Variants in ITFG2 observed in about 807,000 individuals in gnomAD.
ITFG2 encodes KICSTOR complex protein ITFG2.
In ITFG2, 36 loss-of-function variants were observed where a neutral mutation model predicts 54.4. That is an observed-to-expected ratio of 0.66 (90% CI 0.51 to 0.87). ITFG2 has a LOEUF of 0.87. Among genes scored for constraint, ITFG2 ranks in the 40% least tolerant of loss-of-function variants. ITFG2 has a pLI of 0.00. For synonymous variants in ITFG2, 211 were observed against 225.4 expected, an observed-to-expected ratio of 0.94 and a Z score of 0.57; for missense variants, 524 against 576.7, an observed-to-expected ratio of 0.91 and a Z score of 0.94.
chr12:2,837,410 G>T (rs2098031073), intron 1 of ITFG2, among the ~76,000 whole-genome samples: 2 of 152,020 alleles, frequency 1.3e-5, no homozygotes, highest in Admixed American at 6.5e-5. Flanking sequence ...CCCGGGAGGT[G>T]GAGCTTGCAG....
At position 2,830,451 on chromosome 12, in the gene ITFG2, C is replaced by T. The variant is rs2097995641; in HGVS notation, c.*60-383C>T. On this transcript the variant is annotated intron_variant and NMD_transcript_variant, in intron 2 of 2. Coordinates refer to the ITFG2 transcript ENST00000538822. Reference sequence around the variant, plus strand: ...TCTGTGTAGAGCACACTGAGGAGTACTTACTTAATTTAAGTATTGTATTTT... The same window carrying T: ...TCTGTGTAGAGCACACTGAGGAGTATTTACTTAATTTAAGTATTGTATTTT... The T allele has an allele frequency of 1.7e-5, 7 of 414,410 alleles. 1 individual carries two copies. Among genetic ancestry groups the T allele is most frequent in the Non-Finnish European group, 2.6e-5 (6 of 232,832 alleles). 25.7% of individuals were successfully genotyped at this position (414,410 alleles called of 1,614,324 possible).
chr12:2,818,349 T>C (rs751601008), intron 4 of ITFG2, 72 bp downstream of exon 4: 6 of 1,592,276 alleles, frequency 3.8e-6, no homozygotes, highest in Non-Finnish European at 4.3e-6. Flanking sequence ...TCCCAAGGGA[T>C]TGGGGTGAGA....
At chr12:2,838,437 C>G (rs1565439491) in intron 1 of ITFG2, among the ~76,000 whole-genome samples, 1 of 152,128 alleles carries the variant, frequency 6.6e-6, no homozygotes, top group Non-Finnish European at 1.5e-5. Flanking sequence ...GTCCCAGGCT[C>G]TCAAGTGAGC....
downstream of ITFG2, chr12:2,826,269 C>A (rs1306946355): frequency 6.6e-6 from 1 of 151,606 alleles, no homozygotes; most frequent in African/African-American, 2.4e-5. Flanking sequence ...TAGAAAGCCA[C>A]TGATTCCAGG....
chr12:2,837,350 C>T (rs549171115), intron 1 of ITFG2, among the ~76,000 whole-genome samples: 7 of 152,150 alleles, frequency 4.6e-5, no homozygotes, highest in African/African-American at 1.2e-4. Context: ...CGGTGGCAGG[C>T]GCCTGTAGTC....
chr12:2,841,747 C>G (rs576942459), intron 2 of ITFG2, among the ~76,000 whole-genome samples: 17 of 151,672 alleles, frequency 1.1e-4, no homozygotes, highest in African/African-American at 3.1e-4. Flanking sequence ...GAGACAGAGT[C>G]TCACCCTGTC....
chr12:2,853,550 G>T lies in ITFG2; in HGVS notation n.301-4462G>T, dbSNP rs140541808. ...GGCCTCCCAAAGTGCTGGGATTACA[G>T]GCGTGAGCCACCAGGCCCGGCCTGT... On this transcript the variant is annotated intron_variant and non_coding_transcript_variant, in intron 2 of 3. Coordinates refer to the ITFG2 transcript ENST00000537710. Among the ~76,000 whole-genome samples, 1,131 of 152,222 alleles carry T rather than the reference G, an allele frequency of 7.4e-3. 15 individuals are homozygous for T. The highest frequency in any genetic ancestry group is 0.026 in the African/African-American group (1,087 of 41,546).
exon 4 of ITFG2, chr12:2,859,748 G>T: frequency 1.9e-6 from 2 of 1,028,332 alleles, no homozygotes; most frequent in Non-Finnish European, 1.4e-6. Flanking sequence ...GATCCTCTTT[G>T]TGTCGTTTTG....
intron 2 of ITFG2, chr12:2,857,221 TTTC>T (rs1480813943): frequency 5.0e-6 from 3 of 596,716 alleles, no homozygotes; most frequent in Non-Finnish European, 9.0e-6. Flanking sequence ...GGGATAGCAC[TTTC>T]TTCAAGTTCT....
At chr12:2,859,356 C>T (rs780641311) in intron 3 of ITFG2, 13 of 1,613,728 alleles carry the variant, frequency 8.1e-6, no homozygotes, top group African/African-American at 4.0e-5. Context: ...CGAGACACAC[C>T]GGGTTGGGGA....
chr12:2,839,534 C>T (rs922427234), intron 1 of ITFG2, among the ~76,000 whole-genome samples: 1 of 152,160 alleles, frequency 6.6e-6, no homozygotes, highest in Non-Finnish European at 1.5e-5. Context: ...ATGGCTCCTT[C>T]GCTGCATTGG....
intron 5 of ITFG2, 96 bp from the exon 6 acceptor site, chr12:2,820,628 G>GCCCCTGCCCCCCC: frequency 4.0e-6 from 1 of 251,778 alleles, no homozygotes. Context: ...CCCTGCCCCT[G>GCCCCTGCCCCCCC]CCCCCGCCCC....
intron 2 of ITFG2, among the ~76,000 whole-genome samples, chr12:2,854,600 A>G (rs1423851322): frequency 2.0e-5 from 3 of 152,054 alleles, no homozygotes; most frequent in South Asian, 2.1e-4. Flanking sequence ...TTTGATAGCT[A>G]TCTTTGCAAA....
Position 2,824,937 on chromosome 12 carries a change from A to C in ITFG2, c.*744A>C, listed in dbSNP as rs973339347. The C allele has an allele frequency of 2.0e-5, 3 of 152,144 alleles. No homozygotes were observed. Among genetic ancestry groups the C allele is most frequent in the African/African-American group, 7.3e-5 (3 of 41,288 alleles). The allele number at this position is 152,144 out of a possible 1,614,324, so 9.4% of individuals were successfully genotyped here. Reference sequence around the variant, plus strand: ...CACAATCAGAATTATATCTTGGGTCATTTATGTGCCGTCTGTTCTTGATTC... The same window carrying C: ...CACAATCAGAATTATATCTTGGGTCCTTTATGTGCCGTCTGTTCTTGATTC... On this transcript the variant is annotated 3_prime_UTR_variant, in exon 12 of 12. Coordinates refer to ENST00000228799, the MANE Select transcript of ITFG2 (RefSeq NM_018463.4).
chr12:2,855,034 T>A (rs1397249458), intron 2 of ITFG2: 3 of 1,535,986 alleles, frequency 2.0e-6, no homozygotes, highest in Non-Finnish European at 2.6e-6. Context: ...CCTTTTCATG[T>A]CCACAAACGT....
chr12:2,858,600 ATGG>A, intron 3 of ITFG2: 1 of 1,580,868 alleles, frequency 6.3e-7, no homozygotes, highest in East Asian at 2.2e-5. Flanking sequence ...AGTGCCCGGG[ATGG>A]TGGACAGCTT....
At chr12:2,838,123 G>T (rs1035521768) in intron 1 of ITFG2, among the ~76,000 whole-genome samples, 1 of 152,224 alleles carries the variant, frequency 6.6e-6, no homozygotes, top group South Asian at 2.1e-4. Context: ...TTGGGATAGA[G>T]GTCAAAGAGG....
intron 2 of ITFG2, among the ~76,000 whole-genome samples, chr12:2,851,112 G>A (rs1328815651): frequency 2.0e-5 from 3 of 150,066 alleles, no homozygotes; most frequent in South Asian, 4.2e-4. Flanking sequence ...GAGCAGTGCC[G>A]AGATCATACC....
At chr12:2,857,236 A>C (rs2098090286) in intron 2 of ITFG2, 1 of 583,048 alleles carries the variant, frequency 1.7e-6, no homozygotes, top group Non-Finnish European at 3.1e-6. Context: ...TCAAGTTCTG[A>C]CTGCAAAAAA....
Sources: gnomAD v4.1 joint callset for allele counts (sites outside exome capture counted in the v4.1 genomes callset) on GRCh38, gnomAD v4.1.1 for gene constraint, MANE v1.5 for transcripts, NCBI Gene and HGNC (gene_info 2026-07-23, HGNC 2026-07-21) for gene names.